KIAA1328: variants seen among roughly 807,000 people sequenced by gnomAD.
KIAA1328 encodes protein hinderin.
Under a neutral mutation model 68.1 loss-of-function variants are expected in KIAA1328, and 52 were observed. That is an observed-to-expected ratio of 0.76 (90% CI 0.61 to 0.96). The LOEUF (loss-of-function observed/expected upper bound fraction) is 0.96. Ranked by LOEUF, KIAA1328 falls within the 40% of genes least tolerant of loss-of-function variation. KIAA1328 has a pLI of 0.00. For synonymous variants in KIAA1328, 232 were observed against 239.4 expected, an observed-to-expected ratio of 0.97 and a Z score of 0.28; for missense variants, 641 against 677.6, an observed-to-expected ratio of 0.95 and a Z score of 0.60.
At chr18:36,962,919 A>C (rs908551091) in intron 6 of KIAA1328, among the ~76,000 whole-genome samples, 1 of 152,212 alleles carries the variant, frequency 6.6e-6, no homozygotes, top group Non-Finnish European at 1.5e-5. Context: ...CTAGAGAAGC[A>C]AGAGCAAACA....
chr18:37,035,357 T>G (rs1208198041), intron 6 of KIAA1328, among the ~76,000 whole-genome samples: 1 of 152,184 alleles, frequency 6.6e-6, no homozygotes, highest in Non-Finnish European at 1.5e-5. Flanking sequence ...AATTAGAAAG[T>G]CTGGAGGTGG....
chr18:37,087,292 T>C (rs1475462587), intron 7 of KIAA1328, among the ~76,000 whole-genome samples: 3 of 152,086 alleles, frequency 2.0e-5, no homozygotes, highest in Admixed American at 6.6e-5. Context: ...ACTCCTGGGC[T>C]CAAGTAATCT....
intron 6 of KIAA1328, among the ~76,000 whole-genome samples, chr18:36,988,898 T>A (rs2053055650): frequency 6.6e-6 from 1 of 152,188 alleles, no homozygotes; most frequent in Non-Finnish European, 1.5e-5. Context: ...ATGGGGAAAA[T>A]GTGATGAATA....
At chr18:37,231,843 C>A (rs1007624189), downstream of KIAA1328, 2 of 152,418 alleles carry the variant, frequency 1.3e-5, no homozygotes, top group African/African-American at 4.8e-5. Flanking sequence ...TCTCCCCATT[C>A]TTTGAGTGCT....
chr18:36,965,089 A>G (rs552433286), intron 6 of KIAA1328, among the ~76,000 whole-genome samples: 29 of 152,244 alleles, frequency 1.9e-4, no homozygotes, highest in Middle Eastern at 3.4e-3. Context: ...AGGTCAGCCT[A>G]TTTTACTATT....
At chr18:37,044,855 A>G (rs1037183650) in intron 6 of KIAA1328, among the ~76,000 whole-genome samples, 1 of 152,114 alleles carries the variant, frequency 6.6e-6, no homozygotes, top group African/African-American at 2.4e-5. Context: ...CCTTATGAAA[A>G]TAGCAGCAAA....
intron 7 of KIAA1328, among the ~76,000 whole-genome samples, chr18:37,098,772 G>A (rs2057500045): frequency 1.3e-5 from 2 of 152,148 alleles, no homozygotes; most frequent in Non-Finnish European, 2.9e-5. Flanking sequence ...TATCTATTAA[G>A]AGATTCAACT....
At chr18:36,924,647 G>A (rs1598728423) in intron 5 of KIAA1328, among the ~76,000 whole-genome samples, 3 of 152,152 alleles carry the variant, frequency 2.0e-5, no homozygotes, top group African/African-American at 7.2e-5. Flanking sequence ...CCAGAATATA[G>A]TTGGCTTTTT....
intron 7 of KIAA1328, among the ~76,000 whole-genome samples, chr18:37,104,889 C>G (rs1375955096): frequency 1.3e-5 from 2 of 152,128 alleles, no homozygotes; most frequent in African/African-American, 4.8e-5. Flanking sequence ...ATGCAAATTA[C>G]TAGAGCCATT....
chr18:36,945,356 G>C (rs557877414), intron 5 of KIAA1328, among the ~76,000 whole-genome samples: 1 of 152,022 alleles, frequency 6.6e-6, no homozygotes, highest in African/African-American at 2.4e-5. Context: ...TTTTGCCTTA[G>C]TCTTTGTGGC....
intron 4 of KIAA1328, among the ~76,000 whole-genome samples, chr18:36,853,065 G>A (rs2047266090): frequency 6.6e-6 from 1 of 152,074 alleles, no homozygotes; most frequent in Non-Finnish European, 1.5e-5. Context: ...TTGTTTTAAA[G>A]CCTATTTGTT....
chr18:36,868,955 G>A lies in KIAA1328; in HGVS notation c.333-16602G>A, dbSNP rs113499762. Reference sequence around the variant, plus strand: ...TGGTCTTTATTTTTTTAAACTGATCGTAACTTTTTTGTTGAAATTAAATGT... The same window carrying A: ...TGGTCTTTATTTTTTTAAACTGATCATAACTTTTTTGTTGAAATTAAATGT... On this transcript the variant is annotated intron_variant, in intron 4 of 9. Coordinates refer to ENST00000280020, the MANE Select transcript of KIAA1328 (RefSeq NM_020776.3). Among the ~76,000 whole-genome samples, 721 of 151,008 alleles carry A rather than the reference G, an allele frequency of 4.8e-3. 7 individuals are homozygous for A. The highest frequency in any genetic ancestry group is 0.017 in the African/African-American group (682 of 41,182).
At chr18:37,018,996 C>A (rs930974039) in intron 6 of KIAA1328, among the ~76,000 whole-genome samples, 2 of 152,154 alleles carry the variant, frequency 1.3e-5, no homozygotes, top group East Asian at 1.9e-4. Flanking sequence ...TCATTACATT[C>A]AAATTTTTCA....
chr18:37,023,681 A>G (rs1019064674), intron 6 of KIAA1328, among the ~76,000 whole-genome samples: 1 of 152,178 alleles, frequency 6.6e-6, no homozygotes, highest in Non-Finnish European at 1.5e-5. Flanking sequence ...CATACAGCTG[A>G]CAAGGATTGT....
At chr18:36,997,255 T>A (rs1376349723) in intron 6 of KIAA1328, among the ~76,000 whole-genome samples, 2 of 152,248 alleles carry the variant, frequency 1.3e-5, no homozygotes, top group Non-Finnish European at 2.9e-5. Flanking sequence ...TTCATTTTGA[T>A]GATTTAACAC....
intron 1 of KIAA1328, chr18:36,829,454 G>C: frequency 1.5e-6 from 2 of 1,294,918 alleles, no homozygotes; most frequent in Non-Finnish European, 1.9e-6. Context: ...GCTCGAGAAA[G>C]ATAGCCTTGA....
At chr18:36,850,010 T>C (rs1409508189) in intron 4 of KIAA1328, among the ~76,000 whole-genome samples, 1 of 152,120 alleles carries the variant, frequency 6.6e-6, no homozygotes, top group African/African-American at 2.4e-5. Flanking sequence ...AAGAAATGTC[T>C]ATTCACATCT....
chr18:36,908,838 T>C (rs989128905), intron 5 of KIAA1328, among the ~76,000 whole-genome samples: 2 of 152,148 alleles, frequency 1.3e-5, no homozygotes, highest in African/African-American at 4.8e-5. Flanking sequence ...AATTGAGCAG[T>C]TCTCCCCCTT....
chr18:37,022,733 A>C (rs2054395650), intron 6 of KIAA1328, among the ~76,000 whole-genome samples: 1 of 152,218 alleles, frequency 6.6e-6, no homozygotes, highest in Non-Finnish European at 1.5e-5. Context: ...GCAATTTCTT[A>C]TATTTAATCT....
Sources: gnomAD v4.1 joint callset for allele counts (sites outside exome capture counted in the v4.1 genomes callset) on GRCh38, gnomAD v4.1.1 for gene constraint, MANE v1.5 for transcripts, NCBI Gene and HGNC (gene_info 2026-07-23, HGNC 2026-07-21) for gene names.